The following PLEKHG6 variants were observed in gnomAD, a reference collection of about 807,000 sequenced individuals.
PLEKHG6 encodes the protein pleckstrin homology and RhoGEF domain containing G6.
A neutral mutation model predicts 97.5 loss-of-function variants in PLEKHG6; 91 were observed. The observed-to-expected ratio is 0.93, with a 90% confidence interval of 0.79 to 1.11. The LOEUF (loss-of-function observed/expected upper bound fraction) is 1.11, where lower values mean the gene tolerates loss of function less well. Among genes scored for constraint, PLEKHG6 ranks in the 50% most tolerant of loss-of-function variants. PLEKHG6 has a pLI of 0.00. For synonymous variants in PLEKHG6, 466 were observed against 425.5 expected, an observed-to-expected ratio of 1.10 and a Z score of -1.17; for missense variants, 1,044 against 1,031.0, an observed-to-expected ratio of 1.01 and a Z score of -0.17.
intron 13 of PLEKHG6, among the ~76,000 whole-genome samples, chr12:6,326,077 G>C (rs1353091787): frequency 6.6e-6 from 1 of 152,058 alleles, no homozygotes; most frequent in Non-Finnish European, 1.5e-5. Context: ...GAGGCCAAGG[G>C]GGGTGGATCA....
At chr12:6,322,706 C>T (rs1423812259) in intron 13 of PLEKHG6, among the ~76,000 whole-genome samples, 1 of 152,044 alleles carries the variant, frequency 6.6e-6, no homozygotes, top group African/African-American at 2.4e-5. Flanking sequence ...CATGGCAAAA[C>T]CCCATCTTTA....
rs1199936815 is a variant in PLEKHG6, at chr12:6,316,377, C to T, written c.729C>T (p.Pro243=). The change falls in exon 7 of 16, where the codon CCC becomes CCT. Residue 243 remains proline (P), a synonymous_variant. Coordinates refer to ENST00000684764, the MANE Select transcript of PLEKHG6 (RefSeq NM_001384598.1). This position sits in a 1 kb window ranked among gnomAD's most constrained non-coding sequence, Gnocchi z 4.1. ...GGGCCTCGGGCCAGCCTCTGGACCC[C>T]ATTGGTCTGCAAAGTGGCTTCCTGA... The part of the protein sequence containing the change: ...ETRASGQPLD[P]IGLQSGFLTF... 1.3e-6 allele frequency: 2 copies of T among 1,571,590 alleles called. No homozygotes were observed. The highest frequency in any genetic ancestry group is 1.7e-6 in the Non-Finnish European group (2 of 1,157,844).
At chr12:6,324,597 G>A (rs1188531860) in intron 13 of PLEKHG6, among the ~76,000 whole-genome samples, 2 of 152,104 alleles carry the variant, frequency 1.3e-5, no homozygotes, top group African/African-American at 4.8e-5. Flanking sequence ...CCCAGGTCCC[G>A]GCCCTGGCAG....
In PLEKHG6 at chr12:6,313,633, C is replaced by T; in HGVS notation, c.143C>T (p.Pro48Leu). 6.2e-7 allele frequency: 1 copy of T among 1,614,038 alleles called. No homozygotes were observed. The highest frequency in any genetic ancestry group is 8.5e-7 in the Non-Finnish European group (1 of 1,180,002). The change falls in exon 3 of 16, where the codon CCC becomes CTC. Residue 48 changes from proline (P) to leucine (L), a missense_variant. Coordinates refer to ENST00000684764, the MANE Select transcript of PLEKHG6 (RefSeq NM_001384598.1). ...LYPRGYPVLD[P>L]SRRRLQQYVP... ...CTTCCCCTGCTCCTCTCCCAGGATCCCAGTCGCCGACGCCTCCAGCAGTAT... is the reference window on the plus strand; with the variant it reads ...CTTCCCCTGCTCCTCTCCCAGGATCTCAGTCGCCGACGCCTCCAGCAGTAT...
rs71584817 is a variant in PLEKHG6 at position 6,327,408 on chromosome 12, C to T, written c.1825C>T (p.Arg609Cys). ...GTCCCGCTCCCCACTGAGCCGTCTA[C>T]GCCAAAGAGCCCTTCGGCGGGACCC... ...TGSRSPLSRL[R>C]QRALRRDPRL... The change falls in exon 15 of 16, where the codon CGC becomes TGC. Residue 609 changes from arginine to cysteine, a missense_variant. Physicochemically the swap from Arg to Cys is radical, Grantham distance 180 (BLOSUM62 -3). Transcript: ENST00000684764. The T allele has an allele frequency of 2.2e-3, 3,600 of 1,614,144 alleles. 3 individuals are homozygous for T. Among genetic ancestry groups the T allele is most frequent in the Non-Finnish European group, 2.8e-3 (3,285 of 1,180,010 alleles).
At chr12:6,313,368 G>A (rs1947339886) in intron 2 of PLEKHG6, among the ~76,000 whole-genome samples, 1 of 152,196 alleles carries the variant, frequency 6.6e-6, no homozygotes, top group Non-Finnish European at 1.5e-5. Flanking sequence ...TGCTCGGCAG[G>A]AGGCCCCACT....
Position 6,327,317 on chromosome 12 carries a change from TC to T in PLEKHG6, c.1738del (p.Val581CysfsTer13). ...VVTEDTDEDA[P>X]LVPDDTSDSG... The stretch of plus-strand genomic sequence containing the variant: ...TGACAGAAGACACAGATGAAGATGC[TC>T]CCCTTGTGCCAGATGATACCTCAGA... On this transcript the variant is annotated frameshift_variant, in exon 15 of 16. Coordinates refer to ENST00000684764, the MANE Select transcript of PLEKHG6 (RefSeq NM_001384598.1). LOFTEE classifies it high-confidence loss of function. 6.2e-7 allele frequency: 1 copy of T among 1,613,862 alleles called. No homozygotes were observed. The highest frequency in any genetic ancestry group is 8.5e-7 in the Non-Finnish European group (1 of 1,179,898).
At position 6,328,324 on chromosome 12, in the gene PLEKHG6, T is replaced by C. The variant is rs973585220; in HGVS notation, c.*179T>C. The C allele has an allele frequency of 2.2e-5, 13 of 595,896 alleles. No homozygotes were observed. Among genetic ancestry groups the C allele is most frequent in the Non-Finnish European group, 3.9e-5 (13 of 335,656 alleles). 36.9% of individuals were successfully genotyped at this position (595,896 alleles called of 1,614,324 possible). ...TCAAGAACTGTAAATTTATGTATCA[T>C]AGGTGCACCTGAGCCCCACAGAAAG... On this transcript the variant is annotated 3_prime_UTR_variant, in exon 16 of 16. Transcript: ENST00000684764.
chr12:6,327,534 G>T lies in PLEKHG6; in HGVS notation c.1951G>T (p.Glu651Ter). The change falls in exon 15 of 16, where the codon GAA becomes TAA. Residue 651 changes from glutamate (E) to a stop codon, truncating the protein, a stop_gained. Transcript: ENST00000684764. LOFTEE classifies it high-confidence loss of function. ...PQRRSAPELPEGILKGGSLPQ... is the reference protein window; with the variant it reads ...PQRRSAPELP ...ACGCCGAAGCGCCCCCGAACTGCCG[G>T]AAGGAATCCTAAAAGGAGGCAGTCT... The T allele has an allele frequency of 7.2e-7, 1 of 1,388,216 alleles. No homozygotes were observed. The highest frequency in any genetic ancestry group is 1.5e-5 in the African/African-American group (1 of 67,098). 86.0% of individuals were successfully genotyped at this position (1,388,216 alleles called of 1,614,324 possible). A position where few individuals can be genotyped will look rare whatever the true frequency, so the allele number is the denominator to read the frequency against.
Position 6,317,865 on chromosome 12 carries a change from CG to C in PLEKHG6, c.1027del (p.Val343TrpfsTer53). The C allele has an allele frequency of 1.3e-6, 2 of 1,553,530 alleles. No individual in the cohort carries two copies. The highest frequency in any genetic ancestry group is 2.4e-5 in the South Asian group (2 of 84,358). On this transcript the variant is annotated frameshift_variant, in exon 10 of 16. Transcript: ENST00000684764. LOFTEE classifies it high-confidence loss of function. Reference sequence around the variant, plus strand: ...CCCCCAACCCCACCTAGATTGAAGCCGTGGAGTCATTCCTGCGACACATCAA... The same window carrying C: ...CCCCCAACCCCACCTAGATTGAAGCCTGGAGTCATTCCTGCGACACATCAA... ...QEALNAMIEA[V>X]ESFLRHINGQ...
In PLEKHG6 at chr12:6,317,670, C is replaced by A; in HGVS notation, c.991C>A (p.Arg331=). The A allele has an allele frequency of 1.2e-6, 2 of 1,613,832 alleles. No homozygotes were observed. Among genetic ancestry groups the A allele is most frequent in the Non-Finnish European group, 1.7e-6 (2 of 1,180,022 alleles). The change falls in exon 9 of 16, where the codon CGA becomes AGA. Residue 331 remains arginine, a synonymous_variant. Transcript: ENST00000684764. ...HAVLKRSPEA[R]AQEALNAMIE... ...TGTGCTCAAGAGGAGCCCCGAGGCACGAGCCCAAGAGGCCCTGAATGCCAT... is the reference window on the plus strand; with the variant it reads ...TGTGCTCAAGAGGAGCCCCGAGGCAAGAGCCCAAGAGGCCCTGAATGCCAT...
intron 13 of PLEKHG6, among the ~76,000 whole-genome samples, chr12:6,324,188 G>C (rs984481029): frequency 6.6e-6 from 1 of 151,990 alleles, no homozygotes; most frequent in African/African-American, 2.4e-5. Context: ...TTCTCCCAGG[G>C]TTGCTGGAGA....
rs1295085678 is a variant in PLEKHG6 at position 6,315,872 on chromosome 12, C to A, written c.559C>A (p.Leu187Ile). 1 of 1,566,394 alleles carries A rather than the reference C, an allele frequency of 6.4e-7. No homozygotes were observed. The highest frequency in any genetic ancestry group is 2.4e-5 in the East Asian group (1 of 42,440). Reference protein sequence around the residue: ...VRKLKIMTDLLAAGLLNLQRV... With the variant: ...VRKLKIMTDLIAAGLLNLQRV... Reference sequence around the variant, plus strand: ...ACCCTCGTCTCCCTCCCTGCAGCTGCTAGCCGCCGGCCTGCTGAACCTGCA... The same window carrying A: ...ACCCTCGTCTCCCTCCCTGCAGCTGATAGCCGCCGGCCTGCTGAACCTGCA... Residue 187 changes from leucine (L) to isoleucine (I), a missense_variant, in exon 6 of 16, where the codon CTA becomes ATA. By Grantham distance (5) the Leu-to-Ile change is conservative (BLOSUM62 2). Transcript: ENST00000684764. The surrounding 1 kb of genome is among the most constrained non-coding windows in gnomAD (Gnocchi z 4.5).
Position 6,317,385 on chromosome 12 carries a change from C to T in PLEKHG6, c.839C>T (p.Thr280Ile). The T allele has an allele frequency of 1.2e-6, 2 of 1,613,986 alleles. No homozygotes were observed. Among genetic ancestry groups the T allele is most frequent in the Non-Finnish European group, 1.7e-6 (2 of 1,179,896 alleles). Residue 280 changes from threonine (T) to isoleucine (I), a missense_variant, in exon 8 of 16, where the codon ACT (threonine) becomes ATT (isoleucine). Physicochemically the swap from Thr to Ile is moderately conservative, Grantham distance 89. Transcript: ENST00000684764. ...GCTTACGCCCGAGAACAGCAAGAAA[C>T]TAACCCTCTCTTCCATGCCTTCGTG... ...TMAYAREQQETNPLFHAFVQW... is the reference protein window; with the variant it reads ...TMAYAREQQEINPLFHAFVQW...
chr12:6,312,039 C>G (rs1284447474), intron 1 of PLEKHG6, 120 bp from the exon 2 acceptor site: 4 of 488,888 alleles, frequency 8.2e-6, no homozygotes, highest in Non-Finnish European at 1.4e-5. Context: ...TGACCAAGCC[C>G]TTGGCCCTCT....
In PLEKHG6 at chr12:6,316,445, C is replaced by A. The variant is rs774532630; in HGVS notation, c.756+41C>A. On this transcript the variant is annotated intron_variant, in intron 7 of 15. Transcript: ENST00000684764. The surrounding 1 kb of genome is among the most constrained non-coding windows in gnomAD (Gnocchi z 4.1). The stretch of plus-strand genomic sequence containing the variant: ...GGCTGTGTCTGGATGGGGCAGGACT[C>A]GGAGCCCTCGGGGGTCCTGTGTGTA... 1.4e-5 allele frequency: 21 copies of A among 1,522,330 alleles called. No homozygotes were observed. Among genetic ancestry groups the A allele is most frequent in the Middle Eastern group, 3.5e-4 (2 of 5,744 alleles). 94.3% of individuals were successfully genotyped at this position (1,522,330 alleles called of 1,614,324 possible).
At chr12:6,312,870 G>A in intron 2 of PLEKHG6, 5 of 1,333,724 alleles carry the variant, frequency 3.7e-6, no homozygotes, top group Non-Finnish European at 4.8e-6. Flanking sequence ...CAAGCAGAGG[G>A]GTGTGGAAGC....
chr12:6,318,160 G>C (rs1947555722), intron 10 of PLEKHG6, 141 bp from the exon 11 acceptor site: 5 of 1,411,424 alleles, frequency 3.5e-6, no homozygotes, highest in South Asian at 1.3e-5. Context: ...GAGCAAAAAG[G>C]AGGCCCTGGG....
In PLEKHG6 at chr12:6,327,878, G is replaced by T; in HGVS notation, c.2295G>T (p.Leu765=). ...CCCGGGACAGCAGGCCACGGAAGCT[G>T]ACTCGGGCCCAGCTGCAGAGGATGC... The part of the protein sequence containing the change: ...EEPRDSRPRK[L]TRAQLQRMRG... Residue 765 remains leucine, a synonymous_variant, in exon 15 of 16, where the codon CTG becomes CTT. Transcript: ENST00000684764. The T allele has an allele frequency of 6.7e-7, 1 of 1,496,484 alleles. No homozygotes were observed. Among genetic ancestry groups the T allele is most frequent in the Non-Finnish European group, 8.9e-7 (1 of 1,123,922 alleles). The allele number at this position is 1,496,484 out of a possible 1,614,324, so 92.7% of individuals were successfully genotyped here.
Sources: allele counts gnomAD v4.1 joint callset (sites outside exome capture counted in the v4.1 genomes callset), GRCh38; gene constraint gnomAD v4.1.1; non-coding constraint Gnocchi (gnomAD v3.1); transcripts MANE v1.5; gene names NCBI Gene and HGNC (gene_info 2026-07-23, HGNC 2026-07-21).